MYPN: variants seen among roughly 807,000 people sequenced by gnomAD.
MYPN encodes the protein myopalladin.
MYPN carries 63 observed loss-of-function variants against 129.4 expected under a neutral mutation model. The observed-to-expected ratio is 0.49, with a 90% CI of 0.40 to 0.60. The LOEUF (loss-of-function observed/expected upper bound fraction) is 0.60. Among genes scored for constraint, MYPN ranks in the 20% least tolerant of loss-of-function variants. The pLI is 0.00. For missense variants in MYPN, 1,596 were observed against 1,635.4 expected (o/e 0.98, Z 0.42); for synonymous variants, 629 against 600.9 (o/e 1.05, Z -0.68).
In MYPN at chr10:68,189,099, C is replaced by T; in HGVS notation, c.2898C>T (p.Cys966=). The change falls in exon 13 of 20, where the codon TGC becomes TGT. Residue 966 remains cysteine, a synonymous_variant. Coordinates refer to ENST00000358913, the MANE Select transcript of MYPN (RefSeq NM_032578.4). ...VTEGSPVTFT[C]KIVGIPVPKV... ...AAGGCTCTCCAGTTACATTCACCTG[C>T]AAAATTGTTGGGATACCTGTTCCAA... The T allele has an allele frequency of 6.2e-7, 1 of 1,614,064 alleles. No individual in the cohort carries two copies. The highest frequency in any genetic ancestry group is 8.5e-7 in the Non-Finnish European group (1 of 1,179,948).
At chr10:68,152,361 G>C (rs578080928) in intron 6 of MYPN, among the ~76,000 whole-genome samples, 1 of 152,246 alleles carries the variant, frequency 6.6e-6, no homozygotes, top group East Asian at 1.9e-4. Context: ...GAATGCCCTT[G>C]CTGAGAGGAG....
rs1373669359 is a variant in MYPN, at chr10:68,092,658, T to C, written c.-2+4666T>C. The stretch of plus-strand genomic sequence containing the variant: ...TGATTTTCTAGTTAAATTTTCAGAG[T>C]GTAGGAGTGCTGTATGATGCTTCCA... On this transcript the variant is annotated intron_variant, in intron 1 of 6. Transcript: ENST00000685154. Among the ~76,000 whole-genome samples the C allele has an allele frequency of 2.0e-5, 3 of 152,130 alleles. No individual in the cohort carries two copies. In the South Asian group the frequency reaches 6.2e-4, roughly 31 times the overall value.
Position 68,127,319 on chromosome 10 carries a change from CTTTTTTTTTTTT to C in MYPN, c.902+4993_902+5004del, listed in dbSNP as rs71470508. On this transcript the variant is annotated intron_variant, in intron 2 of 19. Transcript: ENST00000358913. ...CATGCCCAGCCTGGGACACATATAT[CTTTTTTTTTTTT>C]TTTTTTTTTTTTTGAGATGAAGTCT... Among the ~76,000 whole-genome samples the C allele has an allele frequency of 5.5e-5, 4 of 72,574 alleles. 1 individual carries two copies. In the South Asian group the frequency reaches 2.5e-3, roughly 45 times the overall value. 47.6% of individuals were successfully genotyped at this position (72,574 alleles called of 152,430 possible). A position where few individuals can be genotyped will look rare whatever the true frequency, so the allele number is the denominator to read the frequency against.
At chr10:68,115,007 C>T in intron 1 of MYPN, among the ~76,000 whole-genome samples, 1 of 152,050 alleles carries the variant, frequency 6.6e-6, no homozygotes, top group East Asian at 1.9e-4. Context: ...GCCTGTAATC[C>T]CAGCACTTTG....
At chr10:68,111,651 C>T (rs2042083216) in intron 1 of MYPN, among the ~76,000 whole-genome samples, 1 of 152,162 alleles carries the variant, frequency 6.6e-6, no homozygotes, top group African/African-American at 2.4e-5. Context: ...ACAATTTCAG[C>T]AGATATATTT....
At chr10:68,106,882 A>G (rs2133952668), upstream of MYPN, 1 of 707,402 alleles carries the variant, frequency 1.4e-6, no homozygotes, top group Non-Finnish European at 2.6e-6. Context: ...TCAAACCACA[A>G]GAAACACATG....
Position 68,145,503 on chromosome 10 carries a change from C to T in MYPN, c.1107C>T (p.Asp369=). The T allele has an allele frequency of 6.2e-7, 1 of 1,613,356 alleles. No individual in the cohort carries two copies. The highest frequency in any genetic ancestry group is 8.5e-7 in the Non-Finnish European group (1 of 1,179,570). The change falls in exon 4 of 20, where the codon GAC becomes GAT. Residue 369 remains aspartate (D), a synonymous_variant. Coordinates refer to ENST00000358913, the MANE Select transcript of MYPN (RefSeq NM_032578.4). ...TTTCTTCTTCTGACTCAGAAGGCGA[C>T]CCTAACAAGGAAGAGATGAATCGGT... is the stretch of plus-strand genomic sequence containing the variant. ...EGVSSSDSEG[D]PNKEEMNRIQ...
rs2042254735 is a variant in MYPN at position 68,122,177 on chromosome 10, G to A, written c.739G>A (p.Gly247Ser). The change falls in exon 2 of 20, where the codon GGT becomes AGT. Residue 247 changes from glycine to serine, a missense_variant. Transcript: ENST00000358913. ...GGAGCAGGCTGCCAGTGAGGCGGCTGGTGGAGACACTACACCAGGGTCTTC... is the reference window on the plus strand; with the variant it reads ...GGAGCAGGCTGCCAGTGAGGCGGCTAGTGGAGACACTACACCAGGGTCTTC... ...EAEQAASEAA[G>S]GDTTPGSSPS... is the part of the protein sequence containing the mutation. 1 of 1,610,764 alleles carries A rather than the reference G, an allele frequency of 6.2e-7. No individual in the cohort carries two copies. The highest frequency in any genetic ancestry group is 8.5e-7 in the Non-Finnish European group (1 of 1,178,108).
chr10:68,164,213 GC>G (rs2043021450), intron 8 of MYPN, among the ~76,000 whole-genome samples: 1 of 152,210 alleles, frequency 6.6e-6, no homozygotes, highest in African/African-American at 2.4e-5. Context: ...AGATCAAGGG[GC>G]CTGCATCTGG....
chr10:68,143,413 T>A (rs1248471936), intron 3 of MYPN, among the ~76,000 whole-genome samples: 1 of 152,052 alleles, frequency 6.6e-6, no homozygotes, highest in Admixed American at 6.6e-5. Flanking sequence ...TGTATGAGTG[T>A]AGGGGGCGGA....
At chr10:68,143,512 G>T (rs2673798) in intron 3 of MYPN, among the ~76,000 whole-genome samples, 87,318 of 151,716 alleles carry the variant, frequency 0.58, 25,268 homozygotes, top group East Asian at 0.65. Flanking sequence ...GGGTGGGAGT[G>T]TGCTTGTCTT....
chr10:68,123,525 A>AT (rs1321284260), intron 2 of MYPN, among the ~76,000 whole-genome samples: 43 of 151,258 alleles, frequency 2.8e-4, no homozygotes, highest in Middle Eastern at 3.4e-3. Context: ...AAATACAAAA[A>AT]AAAAAAAAAA....
chr10:68,180,124 G>A (rs1021083280), intron 12 of MYPN, among the ~76,000 whole-genome samples: 2 of 152,128 alleles, frequency 1.3e-5, no homozygotes, highest in Non-Finnish European at 2.9e-5. Flanking sequence ...GGTAGGCTAT[G>A]ATAACTAGTT....
At chr10:68,182,674 T>C (rs1419847977) in intron 12 of MYPN, among the ~76,000 whole-genome samples, 1 of 151,772 alleles carries the variant, frequency 6.6e-6, no homozygotes, top group Non-Finnish European at 1.5e-5. Flanking sequence ...GCCTGGCTAC[T>C]TTTTTGTATT....
chr10:68,125,515 T>C (rs1191067157), intron 2 of MYPN, among the ~76,000 whole-genome samples: 1 of 152,194 alleles, frequency 6.6e-6, no homozygotes, highest in East Asian at 1.9e-4. Context: ...AATATGTATT[T>C]ATTTAGTTAG....
chr10:68,172,171 T>C (rs1163734577), intron 10 of MYPN, among the ~76,000 whole-genome samples: 1 of 151,912 alleles, frequency 6.6e-6, no homozygotes, highest in Non-Finnish European at 1.5e-5. Context: ...CTGGGCAACA[T>C]GACGAGACCC....
chr10:68,101,896 A>T (rs534139576), upstream of MYPN, among the ~76,000 whole-genome samples: 1 of 152,124 alleles, frequency 6.6e-6, no homozygotes, highest in South Asian at 2.1e-4. Context: ...CTTAAGATAT[A>T]GTCTCATATT....
At position 68,210,428 on chromosome 10, in the gene MYPN, G is replaced by A. The variant is rs1199855737; in HGVS notation, c.3936G>A (p.Arg1312=). ...ESTMVYSCSS[R]SVVESDEL ...CGATGGTGTATTCATGCTCTTCTCGGAGTGTAGTGGAGAGTGATGAACTTT... is the reference window on the plus strand; with the variant it reads ...CGATGGTGTATTCATGCTCTTCTCGAAGTGTAGTGGAGAGTGATGAACTTT... Residue 1312 remains arginine (R), a synonymous_variant, in exon 20 of 20, where the codon CGG becomes CGA. Transcript: ENST00000358913. The A allele has an allele frequency of 1.2e-5, 20 of 1,614,160 alleles. No homozygotes were observed. Among genetic ancestry groups the A allele is most frequent in the Non-Finnish European group, 1.6e-5 (19 of 1,180,024 alleles).
At position 68,210,427 on chromosome 10, in the gene MYPN, G is replaced by C. The variant is rs761812034; in HGVS notation, c.3935G>C (p.Arg1312Pro). Residue 1312 changes from arginine (R) to proline (P), a missense_variant, in exon 20 of 20, where the codon CGG becomes CCG. Coordinates refer to ENST00000358913, the MANE Select transcript of MYPN (RefSeq NM_032578.4). ...ESTMVYSCSS[R>P]SVVESDEL is the part of the protein sequence containing the mutation. Reference sequence around the variant, plus strand: ...ACGATGGTGTATTCATGCTCTTCTCGGAGTGTAGTGGAGAGTGATGAACTT... The same window carrying C: ...ACGATGGTGTATTCATGCTCTTCTCCGAGTGTAGTGGAGAGTGATGAACTT... 6.2e-7 allele frequency: 1 copy of C among 1,614,094 alleles called. No individual in the cohort carries two copies. Among genetic ancestry groups the C allele is most frequent in the South Asian group, 1.1e-5 (1 of 91,080 alleles).
Sources: allele counts gnomAD v4.1 joint callset (sites outside exome capture counted in the v4.1 genomes callset), GRCh38; gene constraint gnomAD v4.1.1; transcripts MANE v1.5; gene names NCBI Gene and HGNC (gene_info 2026-07-23, HGNC 2026-07-21).